The following DYRK1A variants were observed in gnomAD, a reference collection of about 807,000 sequenced individuals.
DYRK1A encodes the protein dual specificity tyrosine-phosphorylation-regulated kinase 1A.
Under a neutral mutation model 79.7 loss-of-function variants are expected in DYRK1A, and 9 were observed. The observed-to-expected ratio is 0.11, with a 90% CI of 0.07 to 0.20. The LOEUF (loss-of-function observed/expected upper bound fraction) is 0.20, where lower values mean the gene tolerates loss of function less well. DYRK1A is among the 10% of genes least tolerant of loss of function. The probability of loss-of-function intolerance (pLI) is 1.00; values close to 1 mark genes in which losing one functional copy is unlikely to be tolerated. For synonymous variants in DYRK1A, 349 were observed against 329.7 expected, an observed-to-expected ratio of 1.06 and a Z score of -0.63; for missense variants, 622 against 956.0, an observed-to-expected ratio of 0.65 and a Z score of 4.61.
At chr21:37,408,962 G>A (rs559544270) in intron 1 of DYRK1A, among the ~76,000 whole-genome samples, 2 of 152,310 alleles carry the variant, frequency 1.3e-5, no homozygotes, top group East Asian at 3.9e-4. Context: ...TGGGGTTAGG[G>A]TGGTAATGGT....
Position 37,514,879 on chromosome 21 carries a change from A to C in DYRK1A, c.*2348A>C, listed in dbSNP as rs1229587779. ...TGGTTGCCACATCTTAGCAAGCACC[A>C]AAAAACTAAAGCAGTTTTTAAACCG... On this transcript the variant is annotated 3_prime_UTR_variant, in exon 12 of 12. Coordinates refer to ENST00000647188, the MANE Select transcript of DYRK1A (RefSeq NM_001347721.2). The C allele has an allele frequency of 6.6e-6, 1 of 152,644 alleles. No homozygotes were observed. The highest frequency in any genetic ancestry group is 2.4e-5 in the African/African-American group (1 of 41,458). The allele number at this position is 152,644 out of a possible 1,614,324, so 9.5% of individuals were successfully genotyped here.
chr21:37,494,122 C>T (rs1215824695), intron 8 of DYRK1A, among the ~76,000 whole-genome samples: 1 of 151,800 alleles, frequency 6.6e-6, no homozygotes, highest in Non-Finnish European at 1.5e-5. Context: ...GAACTCCTGA[C>T]CTCAAGTGGT....
intron 1 of DYRK1A, among the ~76,000 whole-genome samples, chr21:37,417,945 T>G (rs994269177): frequency 2.0e-5 from 3 of 152,104 alleles, no homozygotes; most frequent in Admixed American, 6.6e-5. Flanking sequence ...TGTGAATGGC[T>G]CCATTTGTGG....
At chr21:37,427,587 A>G (rs1426450389) in intron 2 of DYRK1A, among the ~76,000 whole-genome samples, 2 of 152,172 alleles carry the variant, frequency 1.3e-5, no homozygotes, top group African/African-American at 4.8e-5. Context: ...AGTGGATACT[A>G]TTATCGTGTT....
intron 1 of DYRK1A, among the ~76,000 whole-genome samples, chr21:37,418,261 G>A (rs2245343): frequency 0.56 from 84,369 of 151,972 alleles, 24,140 homozygotes; most frequent in African/African-American, 0.7. Context: ...TTTGGTTGCT[G>A]TATAAGTCAG....
intron 1 of DYRK1A, among the ~76,000 whole-genome samples, chr21:37,418,228 T>C (rs760951894): frequency 6.6e-6 from 1 of 152,184 alleles, no homozygotes; most frequent in African/African-American, 2.4e-5. Context: ...TTCTGGAGTT[T>C]ATTGTTACTT....
At chr21:37,480,289 G>A (rs1174214580) in intron 4 of DYRK1A, among the ~76,000 whole-genome samples, 1 of 152,114 alleles carries the variant, frequency 6.6e-6, no homozygotes. Context: ...TGGCTGTTTG[G>A]CATTTGGTAA....
chr21:37,495,522 C>T (rs1193840123), intron 8 of DYRK1A, among the ~76,000 whole-genome samples: 2 of 152,144 alleles, frequency 1.3e-5, no homozygotes, highest in Non-Finnish European at 2.9e-5. Context: ...GTCCCAGTTA[C>T]TCAGGAGGCT....
At chr21:37,493,637 A>G (rs2053167251) in intron 8 of DYRK1A, among the ~76,000 whole-genome samples, 2 of 152,228 alleles carry the variant, frequency 1.3e-5, no homozygotes, top group Non-Finnish European at 2.9e-5. Context: ...TGAAGTCTAC[A>G]GGTTTTCAGT....
intron 1 of DYRK1A, among the ~76,000 whole-genome samples, chr21:37,387,934 A>G (rs2835710): frequency 0.2 from 29,684 of 152,006 alleles, 3,135 homozygotes; most frequent in East Asian, 0.36. Context: ...AAAACACAAC[A>G]CTATGGAAAA....
intron 1 of DYRK1A, among the ~76,000 whole-genome samples, chr21:37,374,295 A>C (rs990857043): frequency 1.3e-5 from 2 of 150,992 alleles, no homozygotes; most frequent in African/African-American, 2.4e-5. Flanking sequence ...GAGTCACCGA[A>C]CACTGCAAGA....
At chr21:37,404,539 C>T (rs1302387205) in intron 1 of DYRK1A, among the ~76,000 whole-genome samples, 2 of 152,142 alleles carry the variant, frequency 1.3e-5, no homozygotes, top group Non-Finnish European at 2.9e-5. Flanking sequence ...CACATGGTTT[C>T]AGATGCCTGA....
chr21:37,403,646 AAAATATAT>A (rs1569295342), intron 1 of DYRK1A, among the ~76,000 whole-genome samples: 1 of 96,542 alleles, frequency 1.0e-5, no homozygotes, highest in Non-Finnish European at 2.2e-5. Flanking sequence ...AAAAAAAAAA[AAAATATAT>A]ATATATATAT....
At chr21:37,478,357 AGT>A in intron 4 of DYRK1A, 57 bp downstream of exon 4, 1 of 1,538,290 alleles carries the variant, frequency 6.5e-7, no homozygotes, top group East Asian at 2.3e-5. Context: ...TGAGAAAAAA[AGT>A]GTGACCTATT....
At chr21:37,497,205 C>T (rs1405057725) in intron 9 of DYRK1A, among the ~76,000 whole-genome samples, 1 of 152,178 alleles carries the variant, frequency 6.6e-6, no homozygotes, top group Non-Finnish European at 1.5e-5. Flanking sequence ...GGTTGATCGC[C>T]TTAATTCACC....
chr21:37,465,960 G>C (rs879731954), intron 2 of DYRK1A, among the ~76,000 whole-genome samples: 1 of 152,208 alleles, frequency 6.6e-6, no homozygotes, highest in African/African-American at 2.4e-5. Flanking sequence ...GATTATGAAT[G>C]GCATTGTCAC....
chr21:37,487,069 A>G (rs906545288), intron 6 of DYRK1A: 1 of 152,394 alleles, frequency 6.6e-6, no homozygotes, highest in African/African-American at 2.4e-5. Flanking sequence ...TGGCAGCATT[A>G]GAAGCTATTA....
At chr21:37,429,362 C>G (rs916906633) in intron 2 of DYRK1A, among the ~76,000 whole-genome samples, 4 of 152,116 alleles carry the variant, frequency 2.6e-5, no homozygotes, top group Non-Finnish European at 5.9e-5. Context: ...TAAAGGAAAC[C>G]TAAGACTGGG....
intron 3 of DYRK1A, among the ~76,000 whole-genome samples, chr21:37,474,999 GGTAT>G (rs1458698139): frequency 6.6e-6 from 1 of 152,154 alleles, no homozygotes; most frequent in Non-Finnish European, 1.5e-5. Flanking sequence ...AAATGAAATA[GGTAT>G]TATAATGGAA....
Sources: allele counts gnomAD v4.1 joint callset (sites outside exome capture counted in the v4.1 genomes callset), GRCh38; gene constraint gnomAD v4.1.1; transcripts MANE v1.5; gene names NCBI Gene and HGNC (gene_info 2026-07-23, HGNC 2026-07-21).